The following KAZN variants were observed in gnomAD, a reference collection of about 807,000 sequenced individuals.
KAZN encodes the protein kazrin.
In KAZN, 40 loss-of-function variants were observed where a neutral mutation model predicts 87.4. The ratio of observed to expected loss-of-function variants is 0.46; its 90% CI spans 0.36 to 0.60. The LOEUF (loss-of-function observed/expected upper bound fraction) is 0.60, where lower values mean the gene tolerates loss of function less well. KAZN is among the 20% of genes least tolerant of loss of function. The pLI is 0.00. For missense variants in KAZN, 898 were observed against 1,073.9 expected (o/e 0.84, Z 2.29); for synonymous variants, 466 against 458.3 (o/e 1.02, Z -0.22).
chr1:14,598,330 C>T (rs1042306880), upstream of KAZN, among the ~76,000 whole-genome samples: 1 of 152,176 alleles, frequency 6.6e-6, no homozygotes, highest in Non-Finnish European at 1.5e-5. This position sits in a 1 kb window ranked among gnomAD's most constrained non-coding sequence, Gnocchi z 4.2. Flanking sequence ...TGGAGATCCA[C>T]CCCGGCTCCC....
chr1:14,393,352 T>C (rs538610794), intron 2 of KAZN, among the ~76,000 whole-genome samples: 1 of 152,178 alleles, frequency 6.6e-6, no homozygotes, highest in South Asian at 2.1e-4. Context: ...ATTGCTATTA[T>C]CATCATGATT....
At chr1:14,313,279 CCTGATCTTGAACTCT>C (rs1655431399) in intron 2 of KAZN, among the ~76,000 whole-genome samples, 1 of 152,082 alleles carries the variant, frequency 6.6e-6, no homozygotes, top group African/African-American at 2.4e-5. Flanking sequence ...ATTAGTTTTG[CCTGATCTTGAACTCT>C]CTGTAAATAG....
intron 2 of KAZN, among the ~76,000 whole-genome samples, chr1:14,491,451 T>A (rs951144010): frequency 1.3e-5 from 2 of 152,096 alleles, no homozygotes; most frequent in African/African-American, 4.8e-5. Context: ...ATCCCTCCCC[T>A]AGTCCCCTAC....
intron 1 of KAZN, among the ~76,000 whole-genome samples, chr1:14,808,471 T>A (rs1184590918): frequency 1.3e-5 from 2 of 151,812 alleles, no homozygotes; most frequent in East Asian, 3.9e-4. Context: ...TAATTTTTTT[T>A]TTTTTTAGTA....
intron 1 of KAZN, among the ~76,000 whole-genome samples, chr1:14,861,849 G>A (rs916240393): frequency 6.6e-5 from 10 of 152,156 alleles, no homozygotes; most frequent in African/African-American, 2.4e-4. Context: ...GCCACTTTGC[G>A]ACCAGGCGGA....
intron 2 of KAZN, among the ~76,000 whole-genome samples, chr1:14,433,828 C>T (rs1269678334): frequency 6.6e-6 from 1 of 152,186 alleles, no homozygotes; most frequent in African/African-American, 2.4e-5. Flanking sequence ...TCACTGCACT[C>T]CAGCGTGAGC....
At position 14,828,776 on chromosome 1, in the gene KAZN, GTC is replaced by G. The variant is rs576071990; in HGVS notation, c.227-131904_227-131903del. On this transcript the variant is annotated intron_variant, in intron 1 of 14. Coordinates refer to ENST00000376030, the MANE Select transcript of KAZN (RefSeq NM_201628.3). ...GTCCAAAAGCATCATCAGGAACCCA[GTC>G]TCTTTCCATCTTTCCAAGTTGGCAT... is the stretch of plus-strand genomic sequence containing the variant. Among the ~76,000 whole-genome samples, 969 of 152,308 alleles carry G rather than the reference GTC, an allele frequency of 6.4e-3. 7 individuals carry two copies. The highest frequency in any genetic ancestry group is 0.019 in the Admixed American group (289 of 15,298).
chr1:14,395,146 AGAG>A (rs1386991403), intron 2 of KAZN, among the ~76,000 whole-genome samples: 3 of 152,106 alleles, frequency 2.0e-5, no homozygotes, highest in Non-Finnish European at 4.4e-5. Context: ...GAGATGGAGG[AGAG>A]AAGAAAAAAG....
intron 2 of KAZN, among the ~76,000 whole-genome samples, chr1:14,976,695 G>A (rs956756232): frequency 1.3e-5 from 2 of 152,156 alleles, no homozygotes; most frequent in African/African-American, 4.8e-5. Flanking sequence ...TGGCCGTCCT[G>A]GGACATGGAC....
chr1:14,158,120 T>C (rs1645635314), intron 1 of KAZN, among the ~76,000 whole-genome samples: 1 of 152,190 alleles, frequency 6.6e-6, no homozygotes, highest in Non-Finnish European at 1.5e-5. Context: ...TATAACCTTC[T>C]TGTACTTGGA....
chr1:14,419,750 G>A (rs1459523326), intron 2 of KAZN, among the ~76,000 whole-genome samples: 2 of 151,984 alleles, frequency 1.3e-5, no homozygotes, highest in East Asian at 3.9e-4. Flanking sequence ...GGACTCTTAA[G>A]GCGGTGCGTC....
chr1:14,269,184 G>A (rs1651726452), intron 2 of KAZN, among the ~76,000 whole-genome samples: 1 of 152,100 alleles, frequency 6.6e-6, no homozygotes, highest in Non-Finnish European at 1.5e-5. Flanking sequence ...AGGGGATTTA[G>A]ATATTACAAT....
intron 2 of KAZN, among the ~76,000 whole-genome samples, chr1:14,432,131 C>T (rs1666108216): frequency 6.6e-6 from 1 of 152,180 alleles, no homozygotes; most frequent in Non-Finnish European, 1.5e-5. Flanking sequence ...CGCAAGCCTA[C>T]TAGCAGCAGG....
intron 8 of KAZN, among the ~76,000 whole-genome samples, chr1:15,075,419 C>T (rs1162640549): frequency 1.3e-5 from 2 of 152,250 alleles, no homozygotes; most frequent in East Asian, 3.8e-4. Flanking sequence ...CTTTACCCAT[C>T]TAGTGTTTCC....
intron 1 of KAZN, among the ~76,000 whole-genome samples, chr1:14,920,572 A>G (rs939421854): frequency 6.6e-6 from 1 of 152,164 alleles, no homozygotes; most frequent in African/African-American, 2.4e-5. Flanking sequence ...AGTTGTATCC[A>G]GCCTCAATTC....
At chr1:14,000,225 A>G (rs1420295015) in intron 1 of KAZN, among the ~76,000 whole-genome samples, 3 of 152,204 alleles carry the variant, frequency 2.0e-5, no homozygotes, top group Non-Finnish European at 4.4e-5. Context: ...CTGATACCAA[A>G]ACCGGGAAGA....
chr1:13,893,300 CA>C (rs1638909129), exon 1 of KAZN: 1 of 186,644 alleles, frequency 5.4e-6, no homozygotes, highest in African/African-American at 2.4e-5. Flanking sequence ...CTGCCCCTTC[CA>C]GGTGACCCCA....
intron 10 of KAZN, 141 bp from the exon 11 acceptor site, chr1:15,101,402 A>G: frequency 3.2e-6 from 2 of 632,000 alleles, no homozygotes; most frequent in Non-Finnish European, 5.6e-6. Flanking sequence ...ATCCCTGTCC[A>G]TGTCTGTCTC....
chr1:14,106,248 A>C lies in KAZN; in HGVS notation c.92-74187A>C, dbSNP rs1644371906. Reference sequence around the variant, plus strand: ...CAGAACCCAACACAGCTCTGACTAAAGCTTCTTTTTCCTTGCAGAGGAAAC... The same window carrying C: ...CAGAACCCAACACAGCTCTGACTAACGCTTCTTTTTCCTTGCAGAGGAAAC... On this transcript the variant is annotated intron_variant, in intron 1 of 16. Coordinates refer to the KAZN transcript ENST00000636203. 2.6e-5 allele frequency among the ~76,000 whole-genome samples: 4 copies of C among 152,194 alleles called. 1 individual carries two copies. The South Asian group carries it at 8.3e-4, about 32-fold the overall frequency.
Sources: allele counts gnomAD v4.1 joint callset (sites outside exome capture counted in the v4.1 genomes callset), GRCh38; gene constraint gnomAD v4.1.1; non-coding constraint Gnocchi (gnomAD v3.1); transcripts MANE v1.5; gene names NCBI Gene and HGNC (gene_info 2026-07-23, HGNC 2026-07-21).